MGAT5: variants seen among roughly 807,000 people sequenced by gnomAD.
MGAT5 encodes alpha-1,6-mannosylglycoprotein 6-beta-N-acetylglucosaminyltransferase, also known as alpha-1,6-mannosylglycoprotein 6-beta-N-acetylglucosaminyltransferase A.
MGAT5 carries 30 observed loss-of-function variants against 94.3 expected under a neutral mutation model. That is an observed-to-expected ratio of 0.32 (90% confidence interval 0.24 to 0.43). The LOEUF (loss-of-function observed/expected upper bound fraction) is 0.43, where lower values mean the gene tolerates loss of function less well. Among genes scored for constraint, MGAT5 ranks in the 20% least tolerant of loss-of-function variants. The probability of loss-of-function intolerance (pLI) is 1.00; values close to 1 mark genes in which losing one functional copy is unlikely to be tolerated. For synonymous variants in MGAT5, 310 were observed against 322.9 expected (o/e 0.96, Z 0.43); for missense variants, 691 against 905.5 (o/e 0.76, Z 3.04).
intron 10 of MGAT5, among the ~76,000 whole-genome samples, chr2:134,391,528 A>G (rs914885497): frequency 1.3e-5 from 2 of 152,262 alleles, no homozygotes; most frequent in African/African-American, 4.8e-5. Context: ...ACAGACAGCC[A>G]ATGTCTTATC....
At chr2:134,317,502 T>A in intron 2 of MGAT5, 27 bp from the exon 3 acceptor site, 8 of 1,492,884 alleles carry the variant, frequency 5.4e-6, no homozygotes, top group Non-Finnish European at 7.3e-6. Context: ...TCTCATTGTA[T>A]CCTTTGTTGT....
intron 11 of MGAT5, among the ~76,000 whole-genome samples, chr2:134,407,034 G>C (rs891764746): frequency 6.6e-6 from 1 of 152,202 alleles, no homozygotes; most frequent in African/African-American, 2.4e-5. Context: ...ATTGTATAAA[G>C]AATGAAAGAA....
intron 1 of MGAT5, among the ~76,000 whole-genome samples, chr2:134,265,349 G>A (rs530740203): frequency 1.3e-5 from 2 of 152,140 alleles, no homozygotes; most frequent in African/African-American, 2.4e-5. Context: ...GGAGAAAAGT[G>A]TGACTTGCAG....
At chr2:134,261,405 C>G (rs7576554) in intron 1 of MGAT5, among the ~76,000 whole-genome samples, 2 of 151,986 alleles carry the variant, frequency 1.3e-5, no homozygotes, top group African/African-American at 2.4e-5. Flanking sequence ...CTCCGCACCC[C>G]CTCAAGTCTA....
At chr2:134,165,348 A>G (rs1687921736) in intron 1 of MGAT5, among the ~76,000 whole-genome samples, 2 of 152,178 alleles carry the variant, frequency 1.3e-5, no homozygotes, top group Non-Finnish European at 2.9e-5. Context: ...TAGAAAATTT[A>G]ATATATTGCA....
At chr2:134,135,731 T>C (rs1686379570) in intron 1 of MGAT5, among the ~76,000 whole-genome samples, 1 of 139,598 alleles carries the variant, frequency 7.2e-6, no homozygotes, top group South Asian at 2.4e-4. Context: ...TTGGCCCACA[T>C]GTGGGGTATA....
upstream of MGAT5, among the ~76,000 whole-genome samples, chr2:134,251,552 A>G (rs1179729573): frequency 6.6e-6 from 1 of 152,204 alleles, no homozygotes; most frequent in Non-Finnish European, 1.5e-5. Context: ...AGAGTCCCAC[A>G]TAGAAACTTT....
At chr2:134,419,114 A>G (rs546112178) in intron 12 of MGAT5, among the ~76,000 whole-genome samples, 42 of 152,350 alleles carry the variant, frequency 2.8e-4, no homozygotes, top group African/African-American at 9.4e-4. Context: ...ACCCACACAA[A>G]TCTTTCATAT....
chr2:134,382,910 A>G (rs1023315073), intron 10 of MGAT5, among the ~76,000 whole-genome samples: 5 of 152,264 alleles, frequency 3.3e-5, no homozygotes, highest in Admixed American at 1.3e-4. Flanking sequence ...GTAATTATGT[A>G]GTATCATTAA....
intron 10 of MGAT5, among the ~76,000 whole-genome samples, chr2:134,392,536 TAGCTTGGTGGG>T (rs894352379): frequency 1.3e-5 from 2 of 152,172 alleles, no homozygotes; most frequent in African/African-American, 4.8e-5. Flanking sequence ...AGTTTGTTCT[TAGCTTGGTGGG>T]AGCAGGGGAA....
At chr2:134,292,345 C>A (rs920600748) in intron 2 of MGAT5, among the ~76,000 whole-genome samples, 24 of 152,128 alleles carry the variant, frequency 1.6e-4, no homozygotes, top group Non-Finnish European at 2.6e-4. Context: ...ATTTAATCCT[C>A]GCAAGTCTCT....
intron 1 of MGAT5, among the ~76,000 whole-genome samples, chr2:134,180,526 A>G (rs992108329): frequency 6.6e-6 from 1 of 152,214 alleles, no homozygotes; most frequent in Non-Finnish European, 1.5e-5. Flanking sequence ...TTCAGAAATA[A>G]AAACTGAGGT....
chr2:134,363,417 A>G (rs1461747342), intron 10 of MGAT5, among the ~76,000 whole-genome samples: 1 of 152,234 alleles, frequency 6.6e-6, no homozygotes, highest in East Asian at 1.9e-4. Flanking sequence ...AGATCAGCCC[A>G]TCTCCAGGGA....
Position 134,189,592 on chromosome 2 carries a change from G to GTTTTTTTTTTTTTTTTTTTTTT in MGAT5, c.-142-64661_-142-64660insTTTTTTTTTTTTTTTTTTTTTT, listed in dbSNP as rs113582076. Among the ~76,000 whole-genome samples, 52 of 56,272 alleles carry GTTTTTTTTTTTTTTTTTTTTTT rather than the reference G, an allele frequency of 9.2e-4. 3 individuals carry two copies. The highest frequency in any genetic ancestry group is 2.6e-3 in the African/African-American group (42 of 16,098). The allele number at this position is 56,272 out of a possible 152,430, so 36.9% of individuals were successfully genotyped here. ...ACATATGACTAACCTCATGGCTCTA[G>GTTTTTTTTTTTTTTTTTTTTTT]TTTTTTTTTGTTTTTTTTTTTTTTT... On this transcript the variant is annotated intron_variant, in intron 1 of 16. Transcript: ENST00000409645.
chr2:134,347,521 G>T (rs186472716), intron 8 of MGAT5, among the ~76,000 whole-genome samples: 41 of 152,308 alleles, frequency 2.7e-4, no homozygotes, highest in Admixed American at 2.3e-3. Context: ...CTAGAGAAGA[G>T]TATATCGTTA....
intron 1 of MGAT5, among the ~76,000 whole-genome samples, chr2:134,189,002 AG>A (rs1689181089): frequency 6.6e-6 from 1 of 152,196 alleles, no homozygotes; most frequent in East Asian, 1.9e-4. Context: ...GATGTCTGGG[AG>A]GGTCGCGAAT....
intron 2 of MGAT5, among the ~76,000 whole-genome samples, chr2:134,281,376 G>A (rs1397298571): frequency 6.6e-6 from 1 of 152,210 alleles, no homozygotes; most frequent in Admixed American, 6.5e-5. Context: ...AGCTGGGTAG[G>A]AAACTAGGGC....
intron 15 of MGAT5, among the ~76,000 whole-genome samples, chr2:134,447,147 C>T (rs909251259): frequency 2.0e-5 from 3 of 152,200 alleles, no homozygotes; most frequent in African/African-American, 4.8e-5. Context: ...CATATGCATA[C>T]ATACACATAC....
In MGAT5 at chr2:134,450,818, G is replaced by GTGTGTGTGTA. The variant is rs1553469418; in HGVS notation, c.*1980_*1981insATGTGTGTGT. 3 of 138,900 alleles carry GTGTGTGTGTA rather than the reference G, an allele frequency of 2.2e-5. No individual in the cohort carries two copies. The allele number at this position is 138,900 out of a possible 1,614,324, so 8.6% of individuals were successfully genotyped here. A position where few individuals can be genotyped will look rare whatever the true frequency, so the allele number is the denominator to read the frequency against. On this transcript the variant is annotated 3_prime_UTR_variant, in exon 16 of 16. Transcript: ENST00000281923. ...TGTGTGTGTGTGTGTGTGTGTGTGT[G>GTGTGTGTGTA]TGTGTGTGTGTGTATGAGCCTGTGC...
Sources: allele counts gnomAD v4.1 joint callset (sites outside exome capture counted in the v4.1 genomes callset), GRCh38; gene constraint gnomAD v4.1.1; transcripts MANE v1.5; gene names NCBI Gene and HGNC (gene_info 2026-07-23, HGNC 2026-07-21).